Variants in MICU1 observed in about 807,000 individuals in gnomAD.
MICU1 encodes mitochondrial calcium uptake 1, also known as calcium uptake protein 1, mitochondrial.
Under a neutral mutation model 56.8 loss-of-function variants are expected in MICU1, and 45 were observed. That is an observed-to-expected ratio of 0.79 (90% confidence interval 0.62 to 1.02). The LOEUF (loss-of-function observed/expected upper bound fraction) is 1.02. Among genes scored for constraint, MICU1 ranks in the 50% least tolerant of loss-of-function variants. The probability of loss-of-function intolerance (pLI) is 0.00; values close to 1 mark genes in which losing one functional copy is unlikely to be tolerated. For missense variants in MICU1, 504 were observed against 587.1 expected, an observed-to-expected ratio of 0.86 and a Z score of 1.46; for synonymous variants, 186 against 195.1, an observed-to-expected ratio of 0.95 and a Z score of 0.39.
At chr10:72,477,672 A>C in intron 6 of MICU1, 1 of 803,804 alleles carries the variant, frequency 1.2e-6, no homozygotes, top group Non-Finnish European at 1.9e-6. Flanking sequence ...ACTACATCTT[A>C]GTCTTACCCT....
rs538954555 is a variant in MICU1, at chr10:72,530,372, A to AATAATAATAATAATAATAATG, written c.537+3373_537+3374insCATTATTATTATTATTATTAT. 8.6e-3 allele frequency among the ~76,000 whole-genome samples: 1,236 copies of AATAATAATAATAATAATAATG among 143,958 alleles called. 13 individuals carry two copies. Among genetic ancestry groups the AATAATAATAATAATAATAATG allele is most frequent in the Middle Eastern group, 0.025 (7 of 276 alleles). The allele number at this position is 143,958 out of a possible 152,430, so 94.4% of individuals were successfully genotyped here. A position where few individuals can be genotyped will look rare whatever the true frequency, so the allele number is the denominator to read the frequency against. On this transcript the variant is annotated intron_variant, in intron 5 of 11. Transcript: ENST00000361114. ...TAATAATAATAATAATAATAATAAT[A>AATAATAATAATAATAATAATG]ATGCCAGAATATATTTTGTATTACC...
chr10:72,421,155 T>C (rs1864158771), intron 9 of MICU1, among the ~76,000 whole-genome samples: 1 of 151,696 alleles, frequency 6.6e-6, no homozygotes, highest in Non-Finnish European at 1.5e-5. Flanking sequence ...TGTGCCACCA[T>C]GCCTGATGAG....
At chr10:72,427,735 T>A (rs1589209337) in intron 8 of MICU1, among the ~76,000 whole-genome samples, 1 of 6,590 alleles carries the variant, frequency 1.5e-4, no homozygotes. Flanking sequence ...ATCTCTAAAA[T>A]ATATATATAT....
chr10:72,606,975 G>A (rs1216580425), intron 1 of MICU1, among the ~76,000 whole-genome samples: 1 of 152,168 alleles, frequency 6.6e-6, no homozygotes, highest in Non-Finnish European at 1.5e-5. Context: ...GAGCCTGGCA[G>A]GTCCTTTCCC....
chr10:72,601,958 C>A (rs1050116825), intron 1 of MICU1, among the ~76,000 whole-genome samples: 2 of 151,540 alleles, frequency 1.3e-5, no homozygotes, highest in Non-Finnish European at 2.9e-5. Context: ...TGCCACCATG[C>A]CTGGCTAATT....
chr10:72,438,211 G>A (rs933719363), intron 8 of MICU1, among the ~76,000 whole-genome samples: 3 of 152,198 alleles, frequency 2.0e-5, no homozygotes, highest in African/African-American at 7.2e-5. Context: ...TCAGACCACA[G>A]TGCAATCAAA....
At chr10:72,574,602 G>A (rs1840695469) in intron 1 of MICU1, among the ~76,000 whole-genome samples, 1 of 152,080 alleles carries the variant, frequency 6.6e-6, no homozygotes, top group African/African-American at 2.4e-5. Context: ...ACATTATGCA[G>A]GTTTTTGTGT....
intron 5 of MICU1, among the ~76,000 whole-genome samples, chr10:72,530,097 G>C (rs1839433242): frequency 6.6e-6 from 1 of 151,216 alleles, no homozygotes; most frequent in Non-Finnish European, 1.5e-5. Flanking sequence ...GGAGGCCAAG[G>C]TGGGCAGATT....
chr10:72,568,912 C>T (rs1840517460), intron 1 of MICU1, among the ~76,000 whole-genome samples: 1 of 151,256 alleles, frequency 6.6e-6, no homozygotes, highest in Non-Finnish European at 1.5e-5. Flanking sequence ...GACAACCACA[C>T]CTGGCTAATT....
chr10:72,594,923 TC>T lies in MICU1; in HGVS notation c.-1-28130del, dbSNP rs1841330604. 1.4e-4 allele frequency among the ~76,000 whole-genome samples: 2 copies of T among 14,276 alleles called. 1 individual carries two copies. Among genetic ancestry groups the T allele is most frequent in the Admixed American group, 1.1e-3 (2 of 1,750 alleles). 9.4% of individuals were successfully genotyped at this position (14,276 alleles called of 152,430 possible). On this transcript the variant is annotated intron_variant, in intron 1 of 11. Transcript: ENST00000361114. The stretch of plus-strand genomic sequence containing the variant: ...AGACCCTGTCTCAAAAAAAGTACAA[TC>T]CAAAAAAAAAAAAAAGATGAACCAA...
At position 72,500,302 on chromosome 10, in the gene MICU1, A is replaced by AT. The variant is rs542725786; in HGVS notation, c.652+7852dup. Among the ~76,000 whole-genome samples the AT allele has an allele frequency of 2.6e-3, 28 of 10,666 alleles. 1 individual carries two copies. The highest frequency in any genetic ancestry group is 5.3e-3 in the East Asian group (1 of 190). The allele number at this position is 10,666 out of a possible 152,430, so 7.0% of individuals were successfully genotyped here. On this transcript the variant is annotated intron_variant, in intron 6 of 11. Transcript: ENST00000361114. ...TATATATATATATATATATATATATATTTTTTTTTTTTTTTTTTTTTTTTT... is the reference window on the plus strand; with the variant it reads ...TATATATATATATATATATATATATATTTTTTTTTTTTTTTTTTTTTTTTTT...
chr10:72,575,418 G>T (rs1840715636), intron 1 of MICU1, among the ~76,000 whole-genome samples: 1 of 152,126 alleles, frequency 6.6e-6, no homozygotes, highest in Non-Finnish European at 1.5e-5. Flanking sequence ...CAAAAAAAGA[G>T]TAAGTCTTCT....
intron 8 of MICU1, among the ~76,000 whole-genome samples, chr10:72,427,571 G>A (rs898518683): frequency 2.0e-5 from 3 of 151,938 alleles, no homozygotes; most frequent in Non-Finnish European, 2.9e-5. Flanking sequence ...CCATCCCCCA[G>A]AGTAAATCCT....
chr10:72,605,720 C>T (rs568586508), intron 1 of MICU1, among the ~76,000 whole-genome samples: 23 of 152,274 alleles, frequency 1.5e-4, no homozygotes, highest in African/African-American at 4.1e-4. Flanking sequence ...ATAGGTTATA[C>T]GCAAATAGTA....
chr10:72,428,862 A>G (rs892661005), intron 8 of MICU1, among the ~76,000 whole-genome samples: 5 of 152,174 alleles, frequency 3.3e-5, no homozygotes, highest in Admixed American at 1.3e-4. Context: ...AAGGTTTGAT[A>G]TGTTTTGTTT....
chr10:72,384,281 C>T (rs1862818275), intron 10 of MICU1, among the ~76,000 whole-genome samples: 1 of 152,154 alleles, frequency 6.6e-6, no homozygotes, highest in African/African-American at 2.4e-5. Flanking sequence ...AGGCTATGAG[C>T]CACTGGGCCC....
intron 6 of MICU1, among the ~76,000 whole-genome samples, chr10:72,492,880 G>A (rs1258674813): frequency 6.6e-6 from 1 of 152,022 alleles, no homozygotes; most frequent in Admixed American, 6.6e-5. Flanking sequence ...ACTTTGGGAG[G>A]CCGAGGCGAG....
rs146538913 is a variant in MICU1, at chr10:72,586,544, C to T, written c.-1-19750G>A. Among the ~76,000 whole-genome samples, 1,297 of 151,632 alleles carry T rather than the reference C, an allele frequency of 8.6e-3. 18 individuals are homozygous for T. The highest frequency in any genetic ancestry group is 0.03 in the African/African-American group (1,222 of 41,360). On this transcript the variant is annotated intron_variant, in intron 1 of 11. Coordinates refer to ENST00000361114, the MANE Select transcript of MICU1 (RefSeq NM_001195518.2). ...GTGCATGCCTGTAATCCCAGCTACT[C>T]GGGAGGCTGAGGCAGGAGAATCACT...
intron 4 of MICU1, among the ~76,000 whole-genome samples, 187 bp downstream of exon 4, chr10:72,550,992 T>A (rs1302499613): frequency 6.6e-6 from 1 of 152,204 alleles, no homozygotes; most frequent in Non-Finnish European, 1.5e-5. Context: ...GGTTGCAGAT[T>A]GCCACATTAG....
Sources: allele counts gnomAD v4.1 joint callset (sites outside exome capture counted in the v4.1 genomes callset), GRCh38; gene constraint gnomAD v4.1.1; transcripts MANE v1.5; gene names NCBI Gene and HGNC (gene_info 2026-07-23, HGNC 2026-07-21).